Variants in TNKS observed in about 807,000 individuals in gnomAD.
TNKS encodes the protein poly [ADP-ribose] polymerase tankyrase-1.
In TNKS, 72 loss-of-function variants were observed where a neutral mutation model predicts 135.8. That is an observed-to-expected ratio of 0.53 (90% CI 0.44 to 0.64). TNKS has a LOEUF of 0.64. Among genes scored for constraint, TNKS ranks in the 30% least tolerant of loss-of-function variants. The pLI is 0.00. For missense variants in TNKS, 1,769 were observed against 1,674.0 expected (o/e 1.06, Z -0.99); for synonymous variants, 849 against 649.3 (o/e 1.31, Z -4.68).
intron 2 of TNKS, among the ~76,000 whole-genome samples, chr8:9,583,758 A>T (rs1364198826): frequency 6.6e-6 from 1 of 152,022 alleles, no homozygotes; most frequent in African/African-American, 2.4e-5. Flanking sequence ...AAGTCCTGGG[A>T]TTGTAGGCGT....
chr8:9,627,353 G>C (rs1313760358), intron 3 of TNKS, among the ~76,000 whole-genome samples: 1 of 152,308 alleles, frequency 6.6e-6, no homozygotes, highest in South Asian at 2.1e-4. Flanking sequence ...CAAAGAGGAG[G>C]TCATGGGAAC....
rs571756266 is a variant in TNKS at position 9,632,999 on chromosome 8, A to G, written c.994+17322A>G. ...CCGCCTCGGCCACCCAAAGTGCTGG[A>G]ATTACAGGCATGAGCCACCGCACCC... On this transcript the variant is annotated intron_variant, in intron 3 of 26. Transcript: ENST00000310430. 4.3e-3 allele frequency among the ~76,000 whole-genome samples: 655 copies of G among 152,214 alleles called. 7 individuals are homozygous for G. Among genetic ancestry groups the G allele is most frequent in the Non-Finnish European group, 3.5e-3 (239 of 67,984 alleles).
At chr8:9,704,562 T>A in intron 5 of TNKS, 101 bp from the exon 6 acceptor site, 1 of 946,592 alleles carries the variant, frequency 1.1e-6, no homozygotes, top group Non-Finnish European at 1.6e-6. Flanking sequence ...AGCGCAGTAT[T>A]TTTGTGTCAA....
chr8:9,576,203 CGAGCAAAATTGAGTCT>C (rs1317297300), intron 1 of TNKS, among the ~76,000 whole-genome samples: 5 of 152,234 alleles, frequency 3.3e-5, no homozygotes, highest in Middle Eastern at 3.4e-3. Flanking sequence ...GCCCAATTCC[CGAGCAAAATTGAGTCT>C]GAGCAAAATT....
chr8:9,776,655 C>T lies in TNKS; in HGVS notation c.3903C>T (p.Tyr1301=). The T allele has an allele frequency of 1.9e-6, 3 of 1,613,892 alleles. No individual in the cohort carries two copies. The highest frequency in any genetic ancestry group is 1.7e-5 in the Admixed American group (1 of 60,020). Residue 1301 remains tyrosine, a synonymous_variant, in exon 27 of 27, where the codon TAC becomes TAT. Transcript: ENST00000310430. ...TTTCTTCTTGTCCTTCCCAGGCATA[C>T]CCAGAGTATCTTATCACTTACCAGA... The part of the protein sequence containing the change: ...EYVIYRGEQA[Y]PEYLITYQIM...
chr8:9,712,102 C>A (rs1804363778), intron 11 of TNKS, among the ~76,000 whole-genome samples: 1 of 152,304 alleles, frequency 6.6e-6, no homozygotes, highest in South Asian at 2.1e-4. Context: ...GCATAGTTAA[C>A]AATGCATTTA....
intron 17 of TNKS, among the ~76,000 whole-genome samples, chr8:9,743,798 T>C (rs531392153): frequency 5.9e-5 from 9 of 152,322 alleles, no homozygotes; most frequent in African/African-American, 2.2e-4. Context: ...CCACAGTTCC[T>C]GTACTAAGCC....
At chr8:9,640,514 C>T (rs1407898937) in intron 3 of TNKS, among the ~76,000 whole-genome samples, 2 of 145,780 alleles carry the variant, frequency 1.4e-5, no homozygotes, top group Non-Finnish European at 3.0e-5. Flanking sequence ...TATAATGTGT[C>T]TACTGAATAG....
intron 2 of TNKS, among the ~76,000 whole-genome samples, chr8:9,610,299 A>G (rs1799406948): frequency 8.4e-6 from 1 of 118,644 alleles, no homozygotes; most frequent in Non-Finnish European, 1.8e-5. Flanking sequence ...AAAATCTATA[A>G]TATATATATA....
chr8:9,560,859 A>T (rs1797301076), intron 1 of TNKS, among the ~76,000 whole-genome samples: 2 of 149,226 alleles, frequency 1.3e-5, no homozygotes, highest in Admixed American at 1.3e-4. Context: ...GTACCTCTTT[A>T]AAAAAAAAAG....
chr8:9,713,826 G>A (rs1471970245), intron 11 of TNKS, among the ~76,000 whole-genome samples: 1 of 152,118 alleles, frequency 6.6e-6, no homozygotes, highest in African/African-American at 2.4e-5. Flanking sequence ...AACTCACTTA[G>A]CTATTGTTGG....
At chr8:9,755,186 G>A (rs1806770040) in intron 20 of TNKS, among the ~76,000 whole-genome samples, 1 of 152,000 alleles carries the variant, frequency 6.6e-6, no homozygotes. Flanking sequence ...TATTCGCATT[G>A]TCAGTAACTG....
chr8:9,577,130 C>CTTCG (rs138678653), intron 1 of TNKS, among the ~76,000 whole-genome samples: 24 of 150,646 alleles, frequency 1.6e-4, no homozygotes, highest in East Asian at 3.9e-4. Flanking sequence ...TTTTTTGCCT[C>CTTCG]TTTGTAAAGC....
intron 20 of TNKS, among the ~76,000 whole-genome samples, 159 bp downstream of exon 20, chr8:9,752,785 A>G (rs1421943417): frequency 2.0e-5 from 3 of 151,772 alleles, no homozygotes; most frequent in Non-Finnish European, 4.4e-5. Context: ...CGAGACCCCC[A>G]TCTCTACAAA....
At chr8:9,632,262 T>C (rs946075604) in intron 3 of TNKS, among the ~76,000 whole-genome samples, 3 of 152,356 alleles carry the variant, frequency 2.0e-5, no homozygotes, top group Non-Finnish European at 4.4e-5. Context: ...AATGTCAAGC[T>C]TCCCTACGAC....
chr8:9,669,951 C>T (rs1348197748), intron 3 of TNKS, among the ~76,000 whole-genome samples: 1 of 152,138 alleles, frequency 6.6e-6, no homozygotes, highest in Non-Finnish European at 1.5e-5. Flanking sequence ...AACCAGTTTG[C>T]TTTTTCTCCT....
At chr8:9,616,273 G>C (rs990163934) in intron 3 of TNKS, among the ~76,000 whole-genome samples, 1 of 152,132 alleles carries the variant, frequency 6.6e-6, no homozygotes, top group African/African-American at 2.4e-5. Flanking sequence ...CCAGCAAAGA[G>C]GAAATGCTAG....
At chr8:9,597,956 T>A (rs1798857673) in intron 2 of TNKS, among the ~76,000 whole-genome samples, 1 of 152,228 alleles carries the variant, frequency 6.6e-6, no homozygotes, top group South Asian at 2.1e-4. Context: ...TCAGTTTATT[T>A]TTTTAATTAT....
At chr8:9,692,406 A>G (rs1803318620) in intron 5 of TNKS, among the ~76,000 whole-genome samples, 1 of 152,222 alleles carries the variant, frequency 6.6e-6, no homozygotes, top group South Asian at 2.1e-4. Context: ...TGAGGAAGTC[A>G]GCACTGTTGT....
Sources: allele counts gnomAD v4.1 joint callset (sites outside exome capture counted in the v4.1 genomes callset), GRCh38; gene constraint gnomAD v4.1.1; transcripts MANE v1.5; gene names NCBI Gene and HGNC (gene_info 2026-07-23, HGNC 2026-07-21).